Variants in ACOXL observed in about 807,000 individuals in gnomAD.
ACOXL encodes the protein acyl-CoA oxidase like, also known as acyl-coenzyme A oxidase-like protein.
Under a neutral mutation model 71.9 loss-of-function variants are expected in ACOXL, and 70 were observed. That is an observed-to-expected ratio of 0.97 (90% CI 0.80 to 1.19). The LOEUF is 1.19. Among genes scored for constraint, ACOXL ranks in the 50% most tolerant of loss-of-function variants. The pLI is 0.00. For missense variants in ACOXL, 703 were observed against 736.3 expected (o/e 0.95, Z 0.52); for synonymous variants, 253 against 281.6 (o/e 0.90, Z 1.02).
intron 14 of ACOXL, among the ~76,000 whole-genome samples, chr2:111,020,973 A>G (rs1230132374): frequency 6.6e-6 from 1 of 152,202 alleles, no homozygotes; most frequent in Non-Finnish European, 1.5e-5. Context: ...TAGCATTATC[A>G]ATGCCATCGA....
At chr2:110,754,955 C>T (rs971763667) in intron 1 of ACOXL, among the ~76,000 whole-genome samples, 1 of 152,198 alleles carries the variant, frequency 6.6e-6, no homozygotes, top group African/African-American at 2.4e-5. Flanking sequence ...AATGAGGGGT[C>T]TAGTTGCTCA....
intron 9 of ACOXL, among the ~76,000 whole-genome samples, chr2:110,818,409 AC>A (rs1310187411): frequency 3.9e-5 from 4 of 103,264 alleles, no homozygotes; most frequent in East Asian, 5.8e-4. Context: ...AAAAAAAAAA[AC>A]ATATATATAT....
chr2:110,906,537 C>CAAAA (rs368985557), intron 10 of ACOXL, among the ~76,000 whole-genome samples: 3 of 72,160 alleles, frequency 4.2e-5, no homozygotes, highest in African/African-American at 1.8e-4. Context: ...GACTCTGTCT[C>CAAAA]AAAAAAAAAA....
chr2:110,803,348 A>G (rs1686223761), intron 8 of ACOXL, among the ~76,000 whole-genome samples: 1 of 152,258 alleles, frequency 6.6e-6, no homozygotes, highest in South Asian at 2.1e-4. Flanking sequence ...TAGAATGAAG[A>G]ATCTAGAAAT....
chr2:110,756,364 G>T (rs1442173575), intron 1 of ACOXL, among the ~76,000 whole-genome samples: 1 of 152,124 alleles, frequency 6.6e-6, no homozygotes, highest in African/African-American at 2.4e-5. Flanking sequence ...CCTGACCTCA[G>T]TTGATCCGCC....
At position 110,776,110 on chromosome 2, in the gene ACOXL, T is replaced by A. The variant is rs546682990; in HGVS notation, c.75+7646T>A. On this transcript the variant is annotated intron_variant, in intron 2 of 17. Transcript: ENST00000439055. The stretch of plus-strand genomic sequence containing the variant: ...GCCTTAAAAGGGAAGGGAATTTTAA[T>A]ACATGCTATAACACGTATGAACCTG... Among the ~76,000 whole-genome samples, 160 of 152,350 alleles carry A rather than the reference T, an allele frequency of 1.1e-3. 2 individuals carry two copies. The highest frequency in any genetic ancestry group is 3.7e-3 in the African/African-American group (153 of 41,588).
intron 12 of ACOXL, among the ~76,000 whole-genome samples, chr2:110,970,620 A>C (rs1247144495): frequency 6.6e-6 from 1 of 152,222 alleles, no homozygotes; most frequent in East Asian, 1.9e-4. Context: ...AAGTTTTAGC[A>C]GTGCAATAAG....
At chr2:111,106,214 TTCTG>T (rs2069531702) in intron 17 of ACOXL, among the ~76,000 whole-genome samples, 2 of 152,316 alleles carry the variant, frequency 1.3e-5, no homozygotes, top group African/African-American at 4.8e-5. Context: ...TCAGTCCATT[TTCTG>T]TCTATTATTG....
intron 10 of ACOXL, among the ~76,000 whole-genome samples, chr2:110,876,688 C>T (rs919595822): frequency 8.5e-5 from 13 of 152,100 alleles, no homozygotes; most frequent in African/African-American, 3.1e-4. Context: ...GATGGCATGG[C>T]GACGAATTTA....
At chr2:111,108,552 T>C (rs1303517194) in intron 17 of ACOXL, among the ~76,000 whole-genome samples, 1 of 152,126 alleles carries the variant, frequency 6.6e-6, no homozygotes, top group Admixed American at 6.5e-5. Flanking sequence ...CTAATTTTTG[T>C]ATTTTTAGTA....
chr2:110,844,854 C>T (rs1483455405), intron 10 of ACOXL, among the ~76,000 whole-genome samples: 1 of 152,194 alleles, frequency 6.6e-6, no homozygotes, highest in South Asian at 2.1e-4. Flanking sequence ...GCCACCGTGA[C>T]TCTTCTGCTC....
At chr2:110,988,521 C>T (rs1184552748) in intron 13 of ACOXL, among the ~76,000 whole-genome samples, 1 of 152,018 alleles carries the variant, frequency 6.6e-6, no homozygotes, top group Non-Finnish European at 1.5e-5. Flanking sequence ...AAAAACACTC[C>T]CCTACGGTAT....
At chr2:110,917,116 C>T (rs867866188) in intron 11 of ACOXL, among the ~76,000 whole-genome samples, 1 of 152,082 alleles carries the variant, frequency 6.6e-6, no homozygotes, top group African/African-American at 2.4e-5. Flanking sequence ...AAAGAAAATT[C>T]GAGGCCAATA....
intron 12 of ACOXL, among the ~76,000 whole-genome samples, chr2:110,986,426 G>A (rs544802458): frequency 7.2e-5 from 11 of 152,318 alleles, no homozygotes; most frequent in South Asian, 6.2e-4. Flanking sequence ...CTCACACGAC[G>A]TGGTTTTTCT....
intron 14 of ACOXL, among the ~76,000 whole-genome samples, chr2:111,013,522 C>CAAA (rs56905916): frequency 0.097 from 9,157 of 94,110 alleles, 504 homozygotes; most frequent in East Asian, 0.21. Context: ...GACCCTGTCT[C>CAAA]AAAAAAAAAA....
rs375716686 is a variant in ACOXL at position 111,052,203 on chromosome 2, G to A, written c.1440+2915G>A. Among the ~76,000 whole-genome samples the A allele has an allele frequency of 3.9e-5, 6 of 152,320 alleles. No individual in the cohort carries two copies. In the East Asian group the frequency reaches 1.2e-3, roughly 29 times the overall value. On this transcript the variant is annotated intron_variant, in intron 16 of 17. Transcript: ENST00000439055. ...CTAGCCACCATTGCATAGCTAGTCA[G>A]CCGGCAATAGAACTAGGACCAGAAA...
chr2:110,906,363 C>T (rs62159556), intron 10 of ACOXL, among the ~76,000 whole-genome samples: 41,820 of 151,266 alleles, frequency 0.28, 6,609 homozygotes, highest in Non-Finnish European at 0.35. Flanking sequence ...CATGGTGAAA[C>T]CCCGTCTCTA....
Position 110,933,538 on chromosome 2 carries a change from G to C in ACOXL, c.955G>C (p.Val319Leu), listed in dbSNP as rs2060555740. ...GGATGTCTTCCAGGGAAAGGAGCTG[G>C]TCAACAGTCGCTCGCTGCAGGCTCT... The part of the protein sequence containing the change: ...DEDVFQGKEL[V>L]NSRSLQALVA... The change falls in exon 12 of 18, where the codon GTC becomes CTC. Residue 319 changes from valine to leucine, a missense_variant. Physicochemically the swap from Val to Leu is conservative, Grantham distance 32 (BLOSUM62 1). Transcript: ENST00000439055. 6.2e-7 allele frequency: 1 copy of C among 1,614,086 alleles called. No individual in the cohort carries two copies. Among genetic ancestry groups the C allele is most frequent in the African/African-American group, 1.3e-5 (1 of 74,934 alleles).
At chr2:111,066,072 C>T (rs2118905) in intron 16 of ACOXL, among the ~76,000 whole-genome samples, 12,507 of 152,224 alleles carry the variant, frequency 0.082, 619 homozygotes, top group Non-Finnish European at 0.11. Context: ...CAAAAACTTG[C>T]ATATTAATGT....
Sources: allele counts gnomAD v4.1 joint callset (sites outside exome capture counted in the v4.1 genomes callset), GRCh38; gene constraint gnomAD v4.1.1; transcripts MANE v1.5; gene names NCBI Gene and HGNC (gene_info 2026-07-23, HGNC 2026-07-21).